Variants in ARHGAP28 observed in about 807,000 individuals in gnomAD.
The protein encoded by ARHGAP28 is rho GTPase-activating protein 28.
ARHGAP28 carries 56 observed loss-of-function variants against 90.7 expected under a neutral mutation model. The observed-to-expected ratio is 0.62, with a 90% CI of 0.50 to 0.77. The LOEUF is 0.77. ARHGAP28 is among the 30% of genes least tolerant of loss of function. The pLI is 0.00. For missense variants in ARHGAP28, 869 were observed against 900.9 expected (o/e 0.96, Z 0.45); for synonymous variants, 308 against 323.3 (o/e 0.95, Z 0.51).
chr18:6,899,017 A>T (rs982136687), intron 16 of ARHGAP28, among the ~76,000 whole-genome samples: 2 of 152,182 alleles, frequency 1.3e-5, no homozygotes, highest in East Asian at 3.9e-4. Flanking sequence ...ACCTGTTCCC[A>T]AAAAACCTAT....
chr18:6,827,789 G>T (rs2056682988), intron 2 of ARHGAP28, among the ~76,000 whole-genome samples: 1 of 151,828 alleles, frequency 6.6e-6, no homozygotes, highest in African/African-American at 2.4e-5. Context: ...TTCTCAGACG[G>T]GGCGGCCGGG....
chr18:6,884,100 C>A (rs973823252), intron 11 of ARHGAP28, among the ~76,000 whole-genome samples: 2 of 152,016 alleles, frequency 1.3e-5, no homozygotes, highest in African/African-American at 2.4e-5. Context: ...GGCGGCCAGG[C>A]GTGGGGGCTC....
At chr18:6,894,790 T>A (rs955132067) in intron 14 of ARHGAP28, 45 bp from the exon 15 acceptor site, 1 of 1,564,272 alleles carries the variant, frequency 6.4e-7, no homozygotes, top group African/African-American at 1.4e-5. Context: ...AAGCAACATA[T>A]GCTTGTTTTC....
chr18:6,902,780 TAG>T (rs1213486073), intron 16 of ARHGAP28, among the ~76,000 whole-genome samples: 1 of 152,138 alleles, frequency 6.6e-6, no homozygotes, highest in Non-Finnish European at 1.5e-5. Flanking sequence ...ACATTACAAA[TAG>T]AGTTACCATA....
intron 3 of ARHGAP28, among the ~76,000 whole-genome samples, chr18:6,841,157 T>TTCTC (rs1315145364): frequency 2.8e-5 from 2 of 70,282 alleles, no homozygotes; most frequent in African/African-American, 1.2e-4. Context: ...TCTCTCCTCT[T>TTCTC]TCTCTCTCTC....
chr18:6,805,194 TTC>T (rs557797761), intron 1 of ARHGAP28, among the ~76,000 whole-genome samples: 111 of 152,298 alleles, frequency 7.3e-4, no homozygotes, highest in African/African-American at 2.6e-3. Context: ...TTCCTGGCTG[TTC>T]TCTGAGTTTT....
chr18:6,765,278 C>A (rs1600163545), intron 1 of ARHGAP28, among the ~76,000 whole-genome samples: 2 of 152,116 alleles, frequency 1.3e-5, no homozygotes, highest in East Asian at 3.9e-4. Flanking sequence ...TTGGAGTTTT[C>A]TTTGTGGGAA....
intron 1 of ARHGAP28, among the ~76,000 whole-genome samples, chr18:6,736,799 G>C (rs1247110841): frequency 6.6e-6 from 1 of 150,810 alleles, no homozygotes; most frequent in Non-Finnish European, 1.5e-5. Flanking sequence ...TGTGTTAAGA[G>C]AGTGTAGTTG....
intron 1 of ARHGAP28, among the ~76,000 whole-genome samples, chr18:6,820,582 T>C (rs2056620185): frequency 6.6e-6 from 1 of 152,056 alleles, no homozygotes. Context: ...TCAATCAGAA[T>C]TGAGAACTAC....
chr18:6,749,557 T>A (rs902360125), intron 1 of ARHGAP28, among the ~76,000 whole-genome samples: 7 of 152,226 alleles, frequency 4.6e-5, no homozygotes, highest in Non-Finnish European at 1.0e-4. Flanking sequence ...TTTTTTTAAA[T>A]GGGAAGATCT....
At chr18:6,858,840 T>C (rs562453701) in intron 4 of ARHGAP28, among the ~76,000 whole-genome samples, 1 of 151,644 alleles carries the variant, frequency 6.6e-6, no homozygotes, top group East Asian at 1.9e-4. Context: ...AAATTTCTTG[T>C]ACTAGTTCTT....
At chr18:6,778,648 G>C (rs1379234100) in intron 1 of ARHGAP28, among the ~76,000 whole-genome samples, 2 of 152,138 alleles carry the variant, frequency 1.3e-5, no homozygotes, top group African/African-American at 4.8e-5. Flanking sequence ...ATTTCTCGTG[G>C]AATTGCTGAG....
At chr18:6,800,960 G>T (rs899310490) in intron 1 of ARHGAP28, among the ~76,000 whole-genome samples, 1 of 152,148 alleles carries the variant, frequency 6.6e-6, no homozygotes, top group African/African-American at 2.4e-5. Context: ...TTATTTTCTT[G>T]AAGTATGTGG....
At chr18:6,734,855 G>C (rs1168550522) in intron 1 of ARHGAP28, among the ~76,000 whole-genome samples, 1 of 152,144 alleles carries the variant, frequency 6.6e-6, no homozygotes, top group East Asian at 1.9e-4. Context: ...GGTATTTATA[G>C]GTCATTCTTT....
intron 1 of ARHGAP28, among the ~76,000 whole-genome samples, chr18:6,803,817 C>T (rs983407563): frequency 1.9e-4 from 29 of 151,832 alleles, no homozygotes; most frequent in South Asian, 4.2e-4. Context: ...CTCACTCTGT[C>T]GCCCAGGCTG....
Position 6,896,376 on chromosome 18 carries a change from A to C in ARHGAP28, c.1906-126A>C, listed in dbSNP as rs554218971. On this transcript the variant is annotated intron_variant, in intron 15 of 17. Coordinates refer to ENST00000383472, the MANE Select transcript of ARHGAP28 (RefSeq NM_001366230.1). The stretch of plus-strand genomic sequence containing the variant: ...AGAAAGTAATGTTCCATTCTGGTTA[A>C]TGTTGATCATAGTGATGTGTTTTCC... 13 of 1,105,144 alleles carry C rather than the reference A, an allele frequency of 1.2e-5. No individual in the cohort carries two copies. The East Asian group carries it at 3.1e-4, about 26-fold the overall frequency. The allele number at this position is 1,105,144 out of a possible 1,614,324, so 68.5% of individuals were successfully genotyped here.
chr18:6,747,177 T>C (rs2056030671), intron 1 of ARHGAP28, among the ~76,000 whole-genome samples: 1 of 152,018 alleles, frequency 6.6e-6, no homozygotes, highest in South Asian at 2.1e-4. Context: ...GGAGCTTATA[T>C]TGGAGCCCAG....
At chr18:6,871,092 G>A (rs2057084720) in intron 7 of ARHGAP28, among the ~76,000 whole-genome samples, 2 of 152,202 alleles carry the variant, frequency 1.3e-5, no homozygotes, top group Admixed American at 6.5e-5. Flanking sequence ...GAGCCGCCGT[G>A]CATGGCCAAG....
intron 16 of ARHGAP28, among the ~76,000 whole-genome samples, chr18:6,907,531 GA>G (rs574419997): frequency 6.7e-6 from 1 of 150,236 alleles, no homozygotes; most frequent in Non-Finnish European, 1.5e-5. Flanking sequence ...GCCAAGTGGG[GA>G]AAAAAAGGCA....
Sources: allele counts gnomAD v4.1 joint callset (sites outside exome capture counted in the v4.1 genomes callset), GRCh38; gene constraint gnomAD v4.1.1; transcripts MANE v1.5; gene names NCBI Gene and HGNC (gene_info 2026-07-23, HGNC 2026-07-21).